Variants in NFIX observed in about 807,000 individuals in gnomAD.
NFIX encodes nuclear factor I X, also known as nuclear factor 1 X-type.
In NFIX, 2 loss-of-function variants were observed where a neutral mutation model predicts 53.3. That is an observed-to-expected ratio of 0.04 (90% CI 0.02 to 0.12). NFIX has a LOEUF of 0.12. Among genes scored for constraint, NFIX ranks in the 10% least tolerant of loss-of-function variants. The probability of loss-of-function intolerance (pLI) is 1.00; values close to 1 mark genes in which losing one functional copy is unlikely to be tolerated. For missense variants in NFIX, 310 were observed against 674.5 expected (o/e 0.46, Z 5.99); for synonymous variants, 244 against 289.0 (o/e 0.84, Z 1.58).
Position 13,022,742 on chromosome 19 carries a change from C to T in NFIX, c.28-2279C>T, listed in dbSNP as rs902560703. Among the ~76,000 whole-genome samples, 2 of 152,036 alleles carry T rather than the reference C, an allele frequency of 1.3e-5. No homozygotes were observed. The highest frequency in any genetic ancestry group is 1.9e-4 in the East Asian group (1 of 5,194). On this transcript the variant is annotated intron_variant, in intron 1 of 10. Coordinates refer to ENST00000592199, the MANE Select transcript of NFIX (RefSeq NM_001365902.3). This position sits in a 1 kb window ranked among gnomAD's most constrained non-coding sequence, Gnocchi z 4.5. ...GCCCGCCAGCCCGCCGGGAGTCAGG[C>T]CTTTATTTATTTATTTTTCAGGCTT...
At position 13,073,171 on chromosome 19, in the gene NFIX, A is replaced by C. The variant is rs2016868826; in HGVS notation, c.622+62A>C. On this transcript the variant is annotated intron_variant, in intron 3 of 10. Coordinates refer to ENST00000592199, the MANE Select transcript of NFIX (RefSeq NM_001365902.3). The surrounding 1 kb of genome is among the most constrained non-coding windows in gnomAD (Gnocchi z 4.5). ...TCATGCCCCTCCACTTCCTTCCCCC[A>C]CCCTGGCTGCCCTGGCCACCCTCAC... The C allele has an allele frequency of 2.0e-6, 3 of 1,518,756 alleles. No individual in the cohort carries two copies. The highest frequency in any genetic ancestry group is 1.4e-5 in the African/African-American group (1 of 72,048). The allele number at this position is 1,518,756 out of a possible 1,614,324, so 94.1% of individuals were successfully genotyped here. A position where few individuals can be genotyped will look rare whatever the true frequency, so the allele number is the denominator to read the frequency against.
At chr19:13,050,088 C>T (rs1293962760) in intron 2 of NFIX, among the ~76,000 whole-genome samples, 1 of 152,218 alleles carries the variant, frequency 6.6e-6, no homozygotes, top group Admixed American at 6.5e-5. Context: ...TTGCCCTGTC[C>T]TAGAGTTTCA....
intron 2 of NFIX, among the ~76,000 whole-genome samples, chr19:13,038,633 A>C (rs1298345480): frequency 1.3e-5 from 2 of 152,238 alleles, no homozygotes; most frequent in Non-Finnish European, 2.9e-5. Context: ...TCATGAAAGC[A>C]TAGCAGACAC....
At chr19:13,017,206 C>T (rs1197246800) in intron 1 of NFIX, among the ~76,000 whole-genome samples, 3 of 152,112 alleles carry the variant, frequency 2.0e-5, no homozygotes, top group South Asian at 4.2e-4. Context: ...AGGGACGGAG[C>T]GTGGCCGAGG....
intron 2 of NFIX, among the ~76,000 whole-genome samples, chr19:13,053,906 T>A (rs1161643299): frequency 2.0e-5 from 3 of 151,956 alleles, no homozygotes; most frequent in African/African-American, 7.3e-5. Context: ...CAAGGGGTGC[T>A]GCCCCCACCT....
rs2017914940 is a variant in NFIX, at chr19:13,088,331, C to A, written c.1402+195C>A. 1.3e-5 allele frequency among the ~76,000 whole-genome samples: 2 copies of A among 152,068 alleles called. No homozygotes were observed. Among genetic ancestry groups the A allele is most frequent in the South Asian group, 4.1e-4 (2 of 4,826 alleles). ...GCCTCAGTCGCACCAGCCAGCACCC[C>A]ACGAGCCCCCTGCCCGCTGCTCCCA... is the stretch of plus-strand genomic sequence containing the variant. On this transcript the variant is annotated intron_variant, in intron 9 of 10. Transcript: ENST00000592199. This position sits in a 1 kb window ranked among gnomAD's most constrained non-coding sequence, Gnocchi z 5.9.
chr19:13,094,636 C>A lies in NFIX; in HGVS notation c.1496C>A (p.Ser499Tyr). The A allele has an allele frequency of 6.5e-7, 1 of 1,536,194 alleles. No homozygotes were observed. The highest frequency in any genetic ancestry group is 1.2e-5 in the South Asian group (1 of 84,052). The change falls in exon 11 of 11, where the codon TCC becomes TAC. Residue 499 changes from serine (S) to tyrosine (Y), a missense_variant and splice_region_variant. By Grantham distance (144) the Ser-to-Tyr change is moderately radical. This residue lies in a region of NFIX where 44 missense variants were observed against 73.4 expected (regional missense o/e 0.60). Transcript: ENST00000592199. This position sits in a 1 kb window ranked among gnomAD's most constrained non-coding sequence, Gnocchi z 4.3. The stretch of plus-strand genomic sequence containing the variant: ...CGCCTCTTTTTCATCCTGTTTCAGT[C>A]CTGGTTCCTCTGATAAGATCGACAA... ...NFLNIPQQSQ[S>Y]WFL
At chr19:13,039,226 C>CACACACACA (rs1270901632) in intron 2 of NFIX, among the ~76,000 whole-genome samples, 16 of 143,382 alleles carry the variant, frequency 1.1e-4, no homozygotes, top group African/African-American at 4.3e-4. Context: ...AAACACCCCC[C>CACACACACA]CCCACACACA....
chr19:12,999,943 G>A (rs183052196), intron 1 of NFIX, among the ~76,000 whole-genome samples: 53 of 152,360 alleles, frequency 3.5e-4, no homozygotes, highest in African/African-American at 1.3e-3. Flanking sequence ...CCCAGGTGTG[G>A]GCCGGGATGG....
chr19:13,023,256 ACT>A (rs1276654924), intron 1 of NFIX, among the ~76,000 whole-genome samples: 3 of 149,130 alleles, frequency 2.0e-5, no homozygotes, highest in Non-Finnish European at 4.4e-5. Context: ...ACACGCGCAC[ACT>A]CACACACACG....
intron 1 of NFIX, among the ~76,000 whole-genome samples, chr19:13,023,241 C>T (rs1170543965): frequency 4.0e-5 from 6 of 151,676 alleles, no homozygotes; most frequent in African/African-American, 2.4e-5. Context: ...AACCAGTGCG[C>T]ACACACACGC....
At chr19:13,055,172 G>A (rs1167445241) in intron 2 of NFIX, among the ~76,000 whole-genome samples, 1 of 151,734 alleles carries the variant, frequency 6.6e-6, no homozygotes, top group Non-Finnish European at 1.5e-5. Flanking sequence ...GAAAGCCGAG[G>A]ACCTGTCTGT....
In NFIX at chr19:13,046,554, C is replaced by T. The variant is rs558912271; in HGVS notation, c.559+21002C>T. Among the ~76,000 whole-genome samples the T allele has an allele frequency of 5.9e-5, 9 of 152,158 alleles. No homozygotes were observed. In the East Asian group the frequency reaches 1.7e-3, roughly 29 times the overall value. On this transcript the variant is annotated intron_variant, in intron 2 of 10. Coordinates refer to ENST00000592199, the MANE Select transcript of NFIX (RefSeq NM_001365902.3). ...CATACACTCTTTTTCTTCCCTTTCCCGTTCCTGGGGCTTTTGCCATTCATC... is the reference window on the plus strand; with the variant it reads ...CATACACTCTTTTTCTTCCCTTTCCTGTTCCTGGGGCTTTTGCCATTCATC...
rs1286524203 is a variant in NFIX at position 13,013,740 on chromosome 19, TAAA to T, written c.28-11276_28-11274del. 6.6e-6 allele frequency: 1 copy of T among 152,032 alleles called. No homozygotes were observed. The highest frequency in any genetic ancestry group is 2.4e-5 in the African/African-American group (1 of 41,380). The allele number at this position is 152,032 out of a possible 1,614,324, so 9.4% of individuals were successfully genotyped here. A position where few individuals can be genotyped will look rare whatever the true frequency, so the allele number is the denominator to read the frequency against. On this transcript the variant is annotated intron_variant, in intron 1 of 10. Transcript: ENST00000592199. This position sits in a 1 kb window ranked among gnomAD's most constrained non-coding sequence, Gnocchi z 5.9. ...AGGCTGAATGGTAGAAACAGGCTGT[TAAA>T]AAAAGAAAAATACGTGCCGGTGACG...
chr19:13,079,732 G>C (rs1004131430), intron 7 of NFIX, among the ~76,000 whole-genome samples: 6 of 152,324 alleles, frequency 3.9e-5, no homozygotes, highest in African/African-American at 1.4e-4. Context: ...TGGCTCCTCC[G>C]GCTCCACCTC....
chr19:13,081,837 G>A lies in NFIX; in HGVS notation c.1236G>A (p.Ser412=), dbSNP rs367955217. Residue 412 remains serine, a synonymous_variant, in exon 8 of 11, where the codon TCG becomes TCA. Transcript: ENST00000592199. This position sits in a 1 kb window ranked among gnomAD's most constrained non-coding sequence, Gnocchi z 4.7. ...EFVQFVCSDG[S]GQATGQPNGS... ...TGCAGTTTGTGTGCTCGGATGGCTCGGGCCAGGCCACCGGACAGGTGAGTC... is the reference window on the plus strand; with the variant it reads ...TGCAGTTTGTGTGCTCGGATGGCTCAGGCCAGGCCACCGGACAGGTGAGTC... The A allele has an allele frequency of 6.4e-4, 1,028 of 1,613,910 alleles. 12 individuals carry two copies. In the South Asian group the frequency reaches 9.9e-3, roughly 16 times the overall value.
At chr19:13,018,471 C>T (rs1485165429) in intron 1 of NFIX, among the ~76,000 whole-genome samples, 1 of 151,970 alleles carries the variant, frequency 6.6e-6, no homozygotes, top group Non-Finnish European at 1.5e-5. Context: ...AGAAACTGCG[C>T]AGAGCCGCCT....
intron 1 of NFIX, chr19:13,023,892 A>G (rs1423189909): frequency 5.6e-5 from 40 of 710,012 alleles, no homozygotes; most frequent in Non-Finnish European, 9.2e-5. Flanking sequence ...CAGAACACCA[A>G]TAATAACCCC....
At chr19:13,091,345 AGTT>A (rs2018123245) in intron 10 of NFIX, among the ~76,000 whole-genome samples, 1 of 140,120 alleles carries the variant, frequency 7.1e-6, no homozygotes, top group Admixed American at 7.5e-5. Flanking sequence ...GGTGGATGGA[AGTT>A]GTGTGTGTGG....
Sources: allele counts gnomAD v4.1 joint callset (sites outside exome capture counted in the v4.1 genomes callset), GRCh38; gene constraint gnomAD v4.1.1; regional missense constraint gnomAD v4.1.1; non-coding constraint Gnocchi (gnomAD v3.1); transcripts MANE v1.5; gene names NCBI Gene and HGNC (gene_info 2026-07-23, HGNC 2026-07-21).